The following TEKT1 variants were observed in gnomAD, a reference collection of about 807,000 sequenced individuals.
TEKT1 encodes the protein tektin 1, also known as tektin-1.
In TEKT1, 32 loss-of-function variants were observed where a neutral mutation model predicts 34.8. The observed-to-expected ratio is 0.92, with a 90% CI of 0.69 to 1.23. The LOEUF (loss-of-function observed/expected upper bound fraction) is 1.23, where lower values mean the gene tolerates loss of function less well. Ranked by LOEUF, TEKT1 falls within the 50% of genes most tolerant of loss-of-function variation. The pLI is 0.00. For missense variants in TEKT1, 492 were observed against 518.5 expected, an observed-to-expected ratio of 0.95 and a Z score of 0.50; for synonymous variants, 207 against 199.8, an observed-to-expected ratio of 1.04 and a Z score of -0.30.
chr17:6,821,406 C>T (rs921935544), intron 2 of TEKT1, among the ~76,000 whole-genome samples: 9 of 152,270 alleles, frequency 5.9e-5, no homozygotes, highest in Middle Eastern at 3.4e-3. Context: ...GAAGAAGGTC[C>T]TTGTTTTCTC....
chr17:6,800,822 T>G lies in TEKT1; in HGVS notation c.974A>C (p.Asn325Thr). 1 of 1,614,220 alleles carries G rather than the reference T, an allele frequency of 6.2e-7. No individual in the cohort carries two copies. The change falls in exon 7 of 8, where the codon AAC becomes ACC. Residue 325 changes from asparagine (N) to threonine (T), a missense_variant. Physicochemically the swap from Asn to Thr is moderately conservative, Grantham distance 65. Coordinates refer to ENST00000338694, the MANE Select transcript of TEKT1 (RefSeq NM_053285.2). ...TGCGACATCACGACACAGCTCCACG[T>G]TCGGCCGGTGTGTCCTGGTCTCCAA... ...TRLETRTHRP[N>T]VELCRDVAQY...
chr17:6,814,732 G>A (rs933716796), intron 5 of TEKT1, among the ~76,000 whole-genome samples: 1 of 151,976 alleles, frequency 6.6e-6, no homozygotes, highest in African/African-American at 2.4e-5. Flanking sequence ...CAGCTACTTG[G>A]GAGGCTGAGA....
chr17:6,799,624 A>G lies in TEKT1; in HGVS notation c.*403T>C, dbSNP rs1976738190. 6.4e-6 allele frequency: 1 copy of G among 156,322 alleles called. No homozygotes were observed. The highest frequency in any genetic ancestry group is 6.4e-5 in the Admixed American group (1 of 15,586). The allele number at this position is 156,322 out of a possible 1,614,324, so 9.7% of individuals were successfully genotyped here. The stretch of plus-strand genomic sequence containing the variant: ...TATTTGAGTATTTAAGAGAAAAAAA[A>G]CACATTATTTTCTAGAGAAAAGAAA... On this transcript the variant is annotated 3_prime_UTR_variant, in exon 8 of 8. Transcript: ENST00000338694.
intron 2 of TEKT1, among the ~76,000 whole-genome samples, chr17:6,828,980 G>A (rs9897211): frequency 0.1 from 15,851 of 151,672 alleles, 1,025 homozygotes; most frequent in African/African-American, 0.18. Context: ...ATGAAACCCC[G>A]TCTCTACCAA....
At chr17:6,812,355 A>T (rs1007760355) in intron 6 of TEKT1, among the ~76,000 whole-genome samples, 2 of 152,124 alleles carry the variant, frequency 1.3e-5, no homozygotes, top group African/African-American at 4.8e-5. Flanking sequence ...CCAGCGCAAC[A>T]CTGTATAACC....
chr17:6,826,396 T>C (rs1567682145), intron 2 of TEKT1, among the ~76,000 whole-genome samples: 1 of 152,328 alleles, frequency 6.6e-6, no homozygotes, highest in East Asian at 1.9e-4. Context: ...ACTCTTTAGA[T>C]TGCTGTTCAG....
chr17:6,831,242 A>C lies in TEKT1; in HGVS notation c.-18+407T>G, dbSNP rs190283845. On this transcript the variant is annotated intron_variant, in intron 1 of 7. Coordinates refer to ENST00000338694, the MANE Select transcript of TEKT1 (RefSeq NM_053285.2). ...TTTCATCTTCATACAACTCTGATGG[A>C]CCATGAGAACTGCCTTCCTCAGACA... is the stretch of plus-strand genomic sequence containing the variant. 4.9e-4 allele frequency among the ~76,000 whole-genome samples: 74 copies of C among 152,290 alleles called. No homozygotes were observed. In the East Asian group the frequency reaches 0.013, roughly 27 times the overall value.
chr17:6,826,699 A>AT lies in TEKT1; in HGVS notation c.190+3487dup, dbSNP rs1297685104. 3.6e-3 allele frequency among the ~76,000 whole-genome samples: 438 copies of AT among 122,790 alleles called. 3 individuals are homozygous for AT. The highest frequency in any genetic ancestry group is 0.011 in the African/African-American group (253 of 22,814). 80.6% of individuals were successfully genotyped at this position (122,790 alleles called of 152,430 possible). A position where few individuals can be genotyped will look rare whatever the true frequency, so the allele number is the denominator to read the frequency against. On this transcript the variant is annotated intron_variant, in intron 2 of 7. Transcript: ENST00000338694. The stretch of plus-strand genomic sequence containing the variant: ...CGAGGTAGGGGTTGGGATTATTATT[A>AT]TTTTTTTTTTTTTTGCGACGGAGTC...
intron 2 of TEKT1, among the ~76,000 whole-genome samples, chr17:6,827,448 G>A (rs1555555826): frequency 6.6e-6 from 1 of 151,868 alleles, no homozygotes; most frequent in Non-Finnish European, 1.5e-5. Flanking sequence ...ACTTTTAGTA[G>A]AGACAGGGTT....
chr17:6,819,500 A>G, intron 2 of TEKT1, 142 bp from the exon 3 acceptor site: 1 of 767,506 alleles, frequency 1.3e-6, no homozygotes, highest in Non-Finnish European at 1.9e-6. Flanking sequence ...GCATCTTTTC[A>G]TCTTTTTAAA....
intron 6 of TEKT1, among the ~76,000 whole-genome samples, chr17:6,808,121 C>T (rs192255904): frequency 3.9e-5 from 6 of 152,298 alleles, no homozygotes; most frequent in East Asian, 3.9e-4. Flanking sequence ...CCACCCAGTT[C>T]GAGCTTCAGG....
At position 6,816,354 on chromosome 17, in the gene TEKT1, T is replaced by C. The variant is rs2151587624; in HGVS notation, c.357-392A>G. Among the ~76,000 whole-genome samples the C allele has an allele frequency of 3.3e-5, 5 of 152,328 alleles. No individual in the cohort carries two copies. In the Middle Eastern group the frequency reaches 0.014, roughly 414 times the overall value. ...CCATCAACTCATCATTTATATTATG[T>C]ATTTCTCCTAATGCTATCCCTCCCC... On this transcript the variant is annotated intron_variant, in intron 3 of 7. Coordinates refer to ENST00000338694, the MANE Select transcript of TEKT1 (RefSeq NM_053285.2).
At chr17:6,828,204 A>G (rs978285229) in intron 2 of TEKT1, among the ~76,000 whole-genome samples, 2 of 152,196 alleles carry the variant, frequency 1.3e-5, no homozygotes, top group Admixed American at 6.5e-5. Context: ...TTGGCCTCCC[A>G]AAGTGCTGGA....
rs192413079 is a variant in TEKT1 at position 6,806,401 on chromosome 17, T to C, written c.853-5458A>G. On this transcript the variant is annotated intron_variant, in intron 6 of 7. Coordinates refer to ENST00000338694, the MANE Select transcript of TEKT1 (RefSeq NM_053285.2). ...GGGTTTCCTGAATACAGCACACTGA[T>C]GGGTCTTGACTCTTTATCCAATTTG... 2.5e-3 allele frequency among the ~76,000 whole-genome samples: 388 copies of C among 152,334 alleles called. 1 individual carries two copies. The highest frequency in any genetic ancestry group is 3.5e-3 in the Admixed American group (53 of 15,302).
intron 3 of TEKT1, among the ~76,000 whole-genome samples, chr17:6,818,006 A>G (rs1977029270): frequency 6.6e-6 from 1 of 152,140 alleles, no homozygotes; most frequent in East Asian, 1.9e-4. Flanking sequence ...TGGTTCCTGC[A>G]ACGGGTCCTG....
intron 6 of TEKT1, among the ~76,000 whole-genome samples, chr17:6,801,672 C>G (rs975622896): frequency 6.6e-6 from 1 of 152,014 alleles, no homozygotes. Flanking sequence ...CGTGCCACTG[C>G]ACTCCAGCTT....
intron 2 of TEKT1, among the ~76,000 whole-genome samples, chr17:6,822,468 T>C (rs1398748815): frequency 6.6e-6 from 1 of 152,152 alleles, no homozygotes; most frequent in Non-Finnish European, 1.5e-5. Context: ...GAAACTCCTA[T>C]TAGTTATTGA....
chr17:6,809,666 C>G (rs1976899483), intron 6 of TEKT1, among the ~76,000 whole-genome samples: 1 of 152,180 alleles, frequency 6.6e-6, no homozygotes, highest in Non-Finnish European at 1.5e-5. Context: ...CCACCCAAAC[C>G]CCTGACAACC....
intron 2 of TEKT1, among the ~76,000 whole-genome samples, chr17:6,828,634 C>T (rs1427503710): frequency 6.6e-6 from 1 of 152,172 alleles, no homozygotes; most frequent in Non-Finnish European, 1.5e-5. Context: ...CAGGTCCCCA[C>T]AGTCCCTACT....
Sources: allele counts gnomAD v4.1 joint callset (sites outside exome capture counted in the v4.1 genomes callset), GRCh38; gene constraint gnomAD v4.1.1; transcripts MANE v1.5; gene names NCBI Gene and HGNC (gene_info 2026-07-23, HGNC 2026-07-21).